The following HEMK2 variants were observed in gnomAD, a reference collection of about 807,000 sequenced individuals.
HEMK2 encodes the protein HemK methyltransferase 2, ETF1 glutamine and histone H4 lysine, also known as methyltransferase HEMK2.
chr21:28,590,146 TC>T, the HEMK2 span, among the ~76,000 whole-genome samples: 2 of 152,248 alleles, frequency 1.3e-5, no homozygotes, highest in South Asian at 4.1e-4. Context: ...TTTTGCTTAT[TC>T]TTTGCTCTTT....
At chr21:28,702,262 A>T in the HEMK2 span, among the ~76,000 whole-genome samples, 1 of 152,094 alleles carries the variant, frequency 6.6e-6, no homozygotes, top group Non-Finnish European at 1.5e-5. Context: ...TTCTGGAAAT[A>T]GGACCTGGCA....
the HEMK2 span, among the ~76,000 whole-genome samples, chr21:28,869,146 A>G: frequency 6.6e-6 from 1 of 152,186 alleles, no homozygotes; most frequent in Non-Finnish European, 1.5e-5. Context: ...TTGGGTTAAG[A>G]AAGTTCCTTC....
the HEMK2 span, among the ~76,000 whole-genome samples, chr21:28,675,416 TCTAA>T: frequency 1.8e-4 from 27 of 152,188 alleles, no homozygotes; most frequent in Non-Finnish European, 4.0e-4. Context: ...AAACTCGTGA[TCTAA>T]CTGTTATTAA....
chr21:28,716,166 T>TA, the HEMK2 span, among the ~76,000 whole-genome samples: 2 of 152,172 alleles, frequency 1.3e-5, no homozygotes, highest in Non-Finnish European at 2.9e-5. Context: ...TCTAATTCTG[T>TA]AAAAAATTAT....
the HEMK2 span, among the ~76,000 whole-genome samples, chr21:28,623,958 T>G: frequency 1.3e-5 from 2 of 152,142 alleles, no homozygotes; most frequent in South Asian, 2.1e-4. Context: ...GTTCTGCACA[T>G]GTATCCCAGA....
chr21:28,824,228 CGTT>C, the HEMK2 span, among the ~76,000 whole-genome samples: 11 of 152,180 alleles, frequency 7.2e-5, no homozygotes, highest in African/African-American at 1.7e-4. Flanking sequence ...TTGTTGTTGT[CGTT>C]GTTAAGTCCA....
chr21:28,758,468 G>A, the HEMK2 span, among the ~76,000 whole-genome samples: 340 of 152,220 alleles, frequency 2.2e-3, 2 homozygotes, highest in African/African-American at 7.7e-3. Context: ...CTCATCCATC[G>A]CAGAGAACCA....
At chr21:28,623,588 T>G in the HEMK2 span, among the ~76,000 whole-genome samples, 212 of 152,292 alleles carry the variant, frequency 1.4e-3, no homozygotes, top group African/African-American at 4.5e-3. Flanking sequence ...CCAACCCAAA[T>G]GCCCATCAGT....
chr21:28,871,348 G>C, the HEMK2 span, among the ~76,000 whole-genome samples: 1 of 152,114 alleles, frequency 6.6e-6, no homozygotes, highest in Non-Finnish European at 1.5e-5. Flanking sequence ...CACATGGTTG[G>C]AGCAGGAGGA....
the HEMK2 span, among the ~76,000 whole-genome samples, chr21:28,747,506 T>C: frequency 1.3e-5 from 2 of 152,156 alleles, no homozygotes; most frequent in Admixed American, 6.5e-5. Context: ...GAAAACAAAA[T>C]AGTTCTATTC....
At chr21:28,794,451 G>C in the HEMK2 span, among the ~76,000 whole-genome samples, 1 of 152,200 alleles carries the variant, frequency 6.6e-6, no homozygotes, top group Non-Finnish European at 1.5e-5. Context: ...ATGTTTATGA[G>C]TTGTTTATCA....
the HEMK2 span, among the ~76,000 whole-genome samples, chr21:28,801,930 T>C: frequency 4.6e-5 from 7 of 152,306 alleles, no homozygotes; most frequent in African/African-American, 1.2e-4. Flanking sequence ...TCACACATCA[T>C]TGGTATAAAT....
chr21:28,788,085 C>A, the HEMK2 span, among the ~76,000 whole-genome samples: 1 of 151,330 alleles, frequency 6.6e-6, no homozygotes, highest in Non-Finnish European at 1.5e-5. Context: ...AAAATAGGCA[C>A]ATAGACCAAT....
At chr21:28,703,372 C>T in the HEMK2 span, among the ~76,000 whole-genome samples, 2 of 151,546 alleles carry the variant, frequency 1.3e-5, no homozygotes, top group African/African-American at 4.9e-5. Flanking sequence ...GCTGGCTGGA[C>T]AGATGGGGAG....
At chr21:28,797,440 A>AC in the HEMK2 span, among the ~76,000 whole-genome samples, 11,594 of 143,248 alleles carry the variant, frequency 0.081, 1,006 homozygotes, top group African/African-American at 0.24. Flanking sequence ...TACCAAAAAA[A>AC]ACAAAAAAAA....
the HEMK2 span, among the ~76,000 whole-genome samples, chr21:28,617,007 C>T: frequency 6.6e-5 from 10 of 152,168 alleles, no homozygotes; most frequent in African/African-American, 1.9e-4. Flanking sequence ...CTCCAGTGAG[C>T]TGGCCACAGA....
At chr21:28,634,257 G>A in the HEMK2 span, among the ~76,000 whole-genome samples, 2 of 152,320 alleles carry the variant, frequency 1.3e-5, no homozygotes, top group Non-Finnish European at 2.9e-5. Flanking sequence ...ACTGGGAAGT[G>A]TGCAAGGGGG....
At chr21:28,766,598 C>T in the HEMK2 span, among the ~76,000 whole-genome samples, 31 of 151,994 alleles carry the variant, frequency 2.0e-4, no homozygotes, top group Admixed American at 5.2e-4. Context: ...GATATGGAAC[C>T]GACCTAAATG....
At chr21:28,751,719 G>A in the HEMK2 span, among the ~76,000 whole-genome samples, 1 of 152,196 alleles carries the variant, frequency 6.6e-6, no homozygotes, top group African/African-American at 2.4e-5. Context: ...TGCTCTTGTT[G>A]TCCAAGCTGG....
Sources: allele counts gnomAD v4.1 joint callset (sites outside exome capture counted in the v4.1 genomes callset), GRCh38; gene constraint gnomAD v4.1.1; transcripts MANE v1.5; gene names NCBI Gene and HGNC (gene_info 2026-07-23, HGNC 2026-07-21).